The following DNAH9 variants were observed in gnomAD, a reference collection of about 807,000 sequenced individuals.
DNAH9 encodes the protein dynein axonemal heavy chain 9, also known as DNAH9 variant protein.
In DNAH9, 345 loss-of-function variants were observed where a neutral mutation model predicts 471.6. The observed-to-expected ratio is 0.73, with a 90% CI of 0.67 to 0.80. The LOEUF (loss-of-function observed/expected upper bound fraction) is 0.80. Among genes scored for constraint, DNAH9 ranks in the 30% least tolerant of loss-of-function variants. The pLI, the probability that DNAH9 is intolerant of heterozygous loss-of-function variation, is 0.00. For synonymous variants in DNAH9, 2,093 were observed against 2,123.6 expected (o/e 0.99, Z 0.40); for missense variants, 5,407 against 5,609.2 (o/e 0.96, Z 1.15).
At chr17:11,724,071 T>C (rs2075110855) in intron 27 of DNAH9, among the ~76,000 whole-genome samples, 1 of 151,964 alleles carries the variant, frequency 6.6e-6, no homozygotes, top group Admixed American at 6.6e-5. Context: ...ATATTATCAA[T>C]AATATTTATC....
intron 26 of DNAH9, among the ~76,000 whole-genome samples, chr17:11,713,415 C>T (rs745998171): frequency 7.2e-5 from 11 of 151,940 alleles, no homozygotes; most frequent in Non-Finnish European, 1.3e-4. Flanking sequence ...TGGGTATATA[C>T]CCAGTAATGG....
chr17:11,791,581 C>G (rs993404127), intron 41 of DNAH9, among the ~76,000 whole-genome samples: 6 of 152,030 alleles, frequency 3.9e-5, no homozygotes, highest in Non-Finnish European at 8.8e-5. Flanking sequence ...TGTGGTGGTG[C>G]GTGCCTATAA....
chr17:11,858,653 T>C (rs1047241706), intron 50 of DNAH9, among the ~76,000 whole-genome samples: 3 of 152,248 alleles, frequency 2.0e-5, no homozygotes, highest in African/African-American at 7.2e-5. Flanking sequence ...CTGATATCTA[T>C]TTTTTGATGT....
At chr17:11,711,972 GTATA>G (rs1344854302) in intron 26 of DNAH9, among the ~76,000 whole-genome samples, 1 of 1,384 alleles carries the variant, frequency 7.2e-4, no homozygotes, top group African/African-American at 1.8e-3. Flanking sequence ...ATATATATTT[GTATA>G]TATATTTATA....
chr17:11,735,172 C>T (rs766925620), intron 28 of DNAH9, among the ~76,000 whole-genome samples: 1 of 152,160 alleles, frequency 6.6e-6, no homozygotes, highest in Non-Finnish European at 1.5e-5. Context: ...TAGATCAGGG[C>T]TTGTCAACCT....
chr17:11,843,861 GTGTATATATATATATA>G (rs1272276764), intron 49 of DNAH9, among the ~76,000 whole-genome samples: 1 of 54,188 alleles, frequency 1.8e-5, no homozygotes, highest in Non-Finnish European at 3.2e-5. Flanking sequence ...GTGTGTGTGT[GTGTATATATATATATA>G]TATATATATA....
intron 1 of DNAH9, among the ~76,000 whole-genome samples, chr17:11,605,506 G>A (rs1200202060): frequency 6.1e-5 from 8 of 131,872 alleles, no homozygotes; most frequent in African/African-American, 2.2e-4. Flanking sequence ...TGTTGTTGTT[G>A]TTGTTGTTTC....
At chr17:11,846,434 C>T (rs936015190) in intron 49 of DNAH9, among the ~76,000 whole-genome samples, 13 of 151,674 alleles carry the variant, frequency 8.6e-5, no homozygotes, top group South Asian at 2.1e-4. Flanking sequence ...AGTCAGGTAG[C>T]GTGATGCCTC....
intron 50 of DNAH9, among the ~76,000 whole-genome samples, chr17:11,865,915 A>G (rs1972034758): frequency 6.6e-6 from 1 of 152,116 alleles, no homozygotes; most frequent in Non-Finnish European, 1.5e-5. Context: ...CTAGTTATAC[A>G]TTCGTCTAAA....
chr17:11,622,918 A>G (rs1400295750), intron 6 of DNAH9, among the ~76,000 whole-genome samples: 1 of 150,184 alleles, frequency 6.7e-6, no homozygotes, highest in Non-Finnish European at 1.5e-5. Flanking sequence ...GGCTCTGGTT[A>G]GCTGCTTTGC....
At chr17:11,716,523 A>G (rs566260077) in intron 26 of DNAH9, among the ~76,000 whole-genome samples, 7 of 152,126 alleles carry the variant, frequency 4.6e-5, no homozygotes, top group Admixed American at 6.5e-5. Context: ...AATCCCTTCC[A>G]TCTCTGGAGT....
At chr17:11,969,211 T>C in intron 68 of DNAH9, 89 bp from the exon 69 acceptor site, 2 of 1,185,122 alleles carry the variant, frequency 1.7e-6, no homozygotes, top group South Asian at 1.4e-5. Context: ...GTCCAGTCTT[T>C]CCTCCCTTGG....
intron 36 of DNAH9, among the ~76,000 whole-genome samples, chr17:11,765,848 C>G (rs950970257): frequency 6.6e-6 from 1 of 152,178 alleles, no homozygotes; most frequent in Non-Finnish European, 1.5e-5. Flanking sequence ...CAAATGCAGT[C>G]TCTGACCTGT....
chr17:11,680,388 A>G (rs141920503), intron 18 of DNAH9, among the ~76,000 whole-genome samples: 204 of 152,342 alleles, frequency 1.3e-3, no homozygotes, highest in African/African-American at 4.5e-3. Context: ...GAAGCAATAG[A>G]AACCGAAGAT....
In DNAH9 at chr17:11,690,258, T is replaced by C. The variant is rs201495442; in HGVS notation, c.4436T>C (p.Leu1479Pro). 7 of 1,614,180 alleles carry C rather than the reference T, an allele frequency of 4.3e-6. No individual in the cohort carries two copies. The highest frequency in any genetic ancestry group is 1.7e-5 in the Admixed American group (1 of 60,028). ...GTTCTGGAGGATAATCAAGTTCAAC[T>C]TCAGAACCTGGTGATGTCCAAGTAT... ...IEVLEDNQVQ[L>P]QNLVMSKYVA... The change falls in exon 20 of 69, where the codon CTT becomes CCT. Residue 1479 changes from leucine to proline, a missense_variant. Leu to Pro is a moderately conservative substitution (Grantham distance 98, BLOSUM62 -3). Around this residue, in one of 3 missense-constraint regions of DNAH9, gnomAD observed 4,636 missense variants for 4,900.3 expected, o/e 0.95. Transcript: ENST00000262442.
intron 22 of DNAH9, among the ~76,000 whole-genome samples, chr17:11,696,879 T>G (rs2074486419): frequency 6.6e-6 from 1 of 151,654 alleles, no homozygotes; most frequent in Non-Finnish European, 1.5e-5. Context: ...AATTAATTAA[T>G]TTTTTTTTAA....
At chr17:11,668,014 C>G (rs555151142) in intron 15 of DNAH9, among the ~76,000 whole-genome samples, 23 of 152,296 alleles carry the variant, frequency 1.5e-4, no homozygotes, top group African/African-American at 5.3e-4. Context: ...ATTGAAAAGT[C>G]ATATAAAAAT....
intron 61 of DNAH9, among the ~76,000 whole-genome samples, chr17:11,916,671 G>A (rs1368615311): frequency 6.6e-6 from 1 of 152,034 alleles, no homozygotes; most frequent in Admixed American, 6.6e-5. Context: ...GTCTTCCTCC[G>A]TTTAGACTCT....
intron 62 of DNAH9, among the ~76,000 whole-genome samples, chr17:11,926,626 A>G (rs1974339045): frequency 6.6e-6 from 1 of 152,102 alleles, no homozygotes; most frequent in East Asian, 1.9e-4. Context: ...CATGGTGTAT[A>G]TGTACCACAT....
Sources: allele counts gnomAD v4.1 joint callset (sites outside exome capture counted in the v4.1 genomes callset), GRCh38; gene constraint gnomAD v4.1.1; regional missense constraint gnomAD v4.1.1; transcripts MANE v1.5; gene names NCBI Gene and HGNC (gene_info 2026-07-23, HGNC 2026-07-21).